The following HACE1 variants were observed in gnomAD, a reference collection of about 807,000 sequenced individuals.
The protein encoded by HACE1 is E3 ubiquitin-protein ligase HACE1.
HACE1 carries 73 observed loss-of-function variants against 118.4 expected under a neutral mutation model. The ratio of observed to expected loss-of-function variants is 0.62; its 90% confidence interval spans 0.51 to 0.75. HACE1 has a LOEUF of 0.75. Among genes scored for constraint, HACE1 ranks in the 30% least tolerant of loss-of-function variants. The pLI is 0.00. For missense variants in HACE1, 749 were observed against 1,102.2 expected (o/e 0.68, Z 4.54); for synonymous variants, 368 against 374.8 (o/e 0.98, Z 0.21).
chr6:104,793,312 C>T (rs1444797494), intron 10 of HACE1, among the ~76,000 whole-genome samples: 1 of 151,018 alleles, frequency 6.6e-6, no homozygotes, highest in Non-Finnish European at 1.5e-5. Context: ...AAACCCCTAT[C>T]ATTGTAAAAT....
intron 22 of HACE1, among the ~76,000 whole-genome samples, chr6:104,738,637 G>A (rs1031192509): frequency 2.2e-4 from 33 of 149,488 alleles, no homozygotes; most frequent in African/African-American, 6.0e-4. Flanking sequence ...AAAAAGAAAT[G>A]AGCAAAGCCT....
intron 19 of HACE1, among the ~76,000 whole-genome samples, chr6:104,769,263 G>A (rs926236591): frequency 6.6e-6 from 1 of 151,948 alleles, no homozygotes; most frequent in Admixed American, 6.6e-5. Context: ...TCGAACTCCT[G>A]GCCTCAAGCA....
In HACE1 at chr6:104,784,175, TA is replaced by T; in HGVS notation, c.1479-3del. On this transcript the variant is annotated splice_polypyrimidine_tract_variant and splice_region_variant and intron_variant, in intron 13 of 23. Transcript: ENST00000262903. ...TGGTCAAATATAATTTTGGGATTTCTAAAAGAAAAATATTTTGTTTAAATGG... is the reference window on the plus strand; with the variant it reads ...TGGTCAAATATAATTTTGGGATTTCTAAAGAAAAATATTTTGTTTAAATGG... 1 of 1,528,004 alleles carries T rather than the reference TA, an allele frequency of 6.5e-7. No homozygotes were observed. Among genetic ancestry groups the T allele is most frequent in the Non-Finnish European group, 9.1e-7 (1 of 1,101,654 alleles). 94.7% of individuals were successfully genotyped at this position (1,528,004 alleles called of 1,614,324 possible). A position where few individuals can be genotyped will look rare whatever the true frequency, so the allele number is the denominator to read the frequency against.
Position 104,750,404 on chromosome 6 carries a change from A to G in HACE1, c.2280T>C (p.Phe760=). 2 of 1,613,242 alleles carry G rather than the reference A, an allele frequency of 1.2e-6. No homozygotes were observed. The highest frequency in any genetic ancestry group is 1.7e-6 in the Non-Finnish European group (2 of 1,179,280). Reference sequence around the variant, plus strand: ...GAATGAACATATGAAAGCCCTGTAAAAAAGCATTGATCTGAGGCTGAATGG... The same window carrying G: ...GAATGAACATATGAAAGCCCTGTAAGAAAGCATTGATCTGAGGCTGAATGG... ...TRAIQPQINA[F]LQGFHMFIPP... The change falls in exon 20 of 24, where the codon TTT becomes TTC. Residue 760 remains phenylalanine (F), a synonymous_variant. Transcript: ENST00000262903.
intron 6 of HACE1, among the ~76,000 whole-genome samples, chr6:104,817,250 C>T (rs948518860): frequency 2.6e-5 from 4 of 152,192 alleles, no homozygotes; most frequent in East Asian, 1.9e-4. Context: ...TTTGTGTCCC[C>T]GCCAAATCTC....
chr6:104,733,642 C>G (rs1043713265), intron 22 of HACE1, among the ~76,000 whole-genome samples: 2 of 151,922 alleles, frequency 1.3e-5, no homozygotes, highest in East Asian at 1.9e-4. Context: ...CACTTGAGAT[C>G]AGTAGGGACC....
chr6:104,774,078 CTCTT>C lies in HACE1; in HGVS notation c.1865-2008_1865-2005del, dbSNP rs1408763676. Among the ~76,000 whole-genome samples the C allele has an allele frequency of 8.4e-4, 105 of 125,502 alleles. 2 individuals carry two copies. Among genetic ancestry groups the C allele is most frequent in the Non-Finnish European group, 1.4e-3 (90 of 62,202 alleles). The allele number at this position is 125,502 out of a possible 152,430, so 82.3% of individuals were successfully genotyped here. A position where few individuals can be genotyped will look rare whatever the true frequency, so the allele number is the denominator to read the frequency against. ...TACAAAAAATAGGTTATCATCTTTT[CTCTT>C]TTTTTTTTTTTTTTTTTTTTTTTTT... On this transcript the variant is annotated intron_variant, in intron 17 of 23. Coordinates refer to ENST00000262903, the MANE Select transcript of HACE1 (RefSeq NM_020771.4).
intron 19 of HACE1, among the ~76,000 whole-genome samples, chr6:104,760,838 C>G (rs934844812): frequency 6.6e-6 from 1 of 152,296 alleles, no homozygotes; most frequent in South Asian, 2.1e-4. Context: ...TGATAAGCAA[C>G]TTCAGCAAAG....
intron 2 of HACE1, among the ~76,000 whole-genome samples, chr6:104,851,709 T>A (rs1473429378): frequency 6.8e-6 from 1 of 147,854 alleles, no homozygotes; most frequent in African/African-American, 2.4e-5. Context: ...TTTTTAATTA[T>A]ACCAGGTAGG....
intron 20 of HACE1, among the ~76,000 whole-genome samples, chr6:104,746,492 T>C (rs1184609994): frequency 6.6e-6 from 1 of 152,218 alleles, no homozygotes; most frequent in Non-Finnish European, 1.5e-5. Flanking sequence ...GTGAGGGTAC[T>C]CTCTGCTCCC....
At chr6:104,771,141 C>A (rs1343944321) in intron 19 of HACE1, 52 bp downstream of exon 19, 2 of 1,320,896 alleles carry the variant, frequency 1.5e-6, no homozygotes, top group Non-Finnish European at 2.2e-6. Context: ...AACTAGCAAA[C>A]TATCAGGGCC....
intron 3 of HACE1, among the ~76,000 whole-genome samples, chr6:104,850,131 G>C (rs541973665): frequency 2.6e-5 from 4 of 152,066 alleles, no homozygotes; most frequent in Non-Finnish European, 5.9e-5. Flanking sequence ...TGTATTTTTA[G>C]TAGAGATGGG....
chr6:104,761,118 A>C (rs930005770), intron 19 of HACE1, among the ~76,000 whole-genome samples: 2 of 152,172 alleles, frequency 1.3e-5, no homozygotes, highest in African/African-American at 4.8e-5. Flanking sequence ...AAATGGCCTT[A>C]CTGCCCAAAG....
intron 4 of HACE1, among the ~76,000 whole-genome samples, chr6:104,847,628 G>A (rs1037374842): frequency 7.2e-5 from 11 of 151,916 alleles, no homozygotes; most frequent in African/African-American, 4.8e-5. Context: ...ATCTTTATAC[G>A]CAAAAATTTG....
intron 22 of HACE1, among the ~76,000 whole-genome samples, chr6:104,740,562 G>C (rs1776543696): frequency 6.6e-6 from 1 of 151,952 alleles, no homozygotes; most frequent in Non-Finnish European, 1.5e-5. Flanking sequence ...AAATCTAGAA[G>C]AAATGGATAA....
At chr6:104,821,252 G>A (rs2115019474) in intron 6 of HACE1, among the ~76,000 whole-genome samples, 1 of 152,186 alleles carries the variant, frequency 6.6e-6, no homozygotes, top group South Asian at 2.1e-4. Context: ...GGCTACCTAT[G>A]TGATGAAATA....
intron 19 of HACE1, among the ~76,000 whole-genome samples, chr6:104,751,670 T>C (rs1299952568): frequency 6.6e-6 from 1 of 152,114 alleles, no homozygotes; most frequent in Non-Finnish European, 1.5e-5. Context: ...AATTTAAAAA[T>C]GTATTTTGGC....
chr6:104,756,816 C>T (rs941687833), intron 19 of HACE1, among the ~76,000 whole-genome samples: 1 of 152,200 alleles, frequency 6.6e-6, no homozygotes, highest in East Asian at 1.9e-4. Context: ...CTGACTGTCC[C>T]TGGAGGAATG....
At chr6:104,766,879 G>A (rs1780069457) in intron 19 of HACE1, 1 of 152,138 alleles carries the variant, frequency 6.6e-6, no homozygotes, top group Non-Finnish European at 1.5e-5. Flanking sequence ...AGACTGGATG[G>A]CCCCTGCACA....
Sources: allele counts gnomAD v4.1 joint callset (sites outside exome capture counted in the v4.1 genomes callset), GRCh38; gene constraint gnomAD v4.1.1; transcripts MANE v1.5; gene names NCBI Gene and HGNC (gene_info 2026-07-23, HGNC 2026-07-21).